The following SDE2 variants were observed in gnomAD, a reference collection of about 807,000 sequenced individuals.
SDE2 encodes splicing regulator SDE2.
In SDE2, 31 loss-of-function variants were observed where a neutral mutation model predicts 46.9. The ratio of observed to expected loss-of-function variants is 0.66; its 90% confidence interval spans 0.50 to 0.89. The LOEUF (loss-of-function observed/expected upper bound fraction) is 0.89. SDE2 is among the 40% of genes least tolerant of loss of function. SDE2 has a pLI of 0.00. For missense variants in SDE2, 542 were observed against 564.4 expected, an observed-to-expected ratio of 0.96 and a Z score of 0.40; for synonymous variants, 205 against 204.3, an observed-to-expected ratio of 1.00 and a Z score of -0.03.
chr1:225,991,071 C>T (rs1656386439), intron 5 of SDE2, among the ~76,000 whole-genome samples, 172 bp downstream of exon 5: 1 of 152,190 alleles, frequency 6.6e-6, no homozygotes, highest in African/African-American at 2.4e-5. Flanking sequence ...ACAGCAGAAA[C>T]CATTACCAGT....
intron 2 of SDE2, among the ~76,000 whole-genome samples, 177 bp from the exon 3 acceptor site, chr1:225,993,179 G>A (rs1005013074): frequency 3.3e-5 from 5 of 149,602 alleles, no homozygotes; most frequent in Non-Finnish European, 5.9e-5. Context: ...AAAGTAAAAA[G>A]ACTGATTTAA....
chr1:225,999,068 C>T lies in SDE2; in HGVS notation c.120+125G>A, dbSNP rs928478265. 4.0e-6 allele frequency: 3 copies of T among 740,778 alleles called. No individual in the cohort carries two copies. In the African/African-American group the frequency reaches 5.3e-5, roughly 13 times the overall value. The allele number at this position is 740,778 out of a possible 1,614,324, so 45.9% of individuals were successfully genotyped here. A position where few individuals can be genotyped will look rare whatever the true frequency, so the allele number is the denominator to read the frequency against. Reference sequence around the variant, plus strand: ...CGAAGCACCTTAACACTGAGGAACTCTCAGCCTCAACGAGTGAAAACCCCA... The same window carrying T: ...CGAAGCACCTTAACACTGAGGAACTTTCAGCCTCAACGAGTGAAAACCCCA... On this transcript the variant is annotated intron_variant, in intron 1 of 6. Coordinates refer to ENST00000272091, the MANE Select transcript of SDE2 (RefSeq NM_152608.4).
chr1:225,985,447 A>G lies in SDE2; in HGVS notation c.1211T>C (p.Leu404Pro). Residue 404 changes from leucine to proline, a missense_variant, in exon 7 of 7, where the codon CTC (leucine) becomes CCC (proline). By Grantham distance (98) the Leu-to-Pro change is moderately conservative. Around this residue, in one of 3 missense-constraint regions of SDE2, gnomAD observed 401 missense variants for 437.8 expected, o/e 0.92. Transcript: ENST00000272091. Reference protein sequence around the residue: ...AELELLGLEKLKCELMALGLK... With the variant: ...AELELLGLEKPKCELMALGLK... Reference sequence around the variant, plus strand: ...TCCAAGGGCCATCAGTTCACATTTGAGCTTCTCCAAACCCAGCAACTCCAG... The same window carrying G: ...TCCAAGGGCCATCAGTTCACATTTGGGCTTCTCCAAACCCAGCAACTCCAG... 1 of 1,614,174 alleles carries G rather than the reference A, an allele frequency of 6.2e-7. No homozygotes were observed. The highest frequency in any genetic ancestry group is 8.5e-7 in the Non-Finnish European group (1 of 1,179,974).
Position 225,985,270 on chromosome 1 carries a change from T to C in SDE2, c.*32A>G, listed in dbSNP as rs752648095. 2.6e-6 allele frequency: 4 copies of C among 1,528,298 alleles called. No individual in the cohort carries two copies. Among genetic ancestry groups the C allele is most frequent in the Middle Eastern group, 3.4e-4 (2 of 5,896 alleles). 94.7% of individuals were successfully genotyped at this position (1,528,298 alleles called of 1,614,324 possible). On this transcript the variant is annotated 3_prime_UTR_variant, in exon 7 of 7. Transcript: ENST00000272091. ...TATGCAGGTTGTAAATGGTAGACAC[T>C]ATAAACAAATAGGAATCAGCTCTGA...
chr1:225,984,134 C>T lies in SDE2; in HGVS notation c.*1168G>A, dbSNP rs536512749. On this transcript the variant is annotated 3_prime_UTR_variant, in exon 7 of 7. Transcript: ENST00000272091. ...TGGTGGCTGGAGCCTGTAATCCCAG[C>T]TACTGAGGAGGCTGAGGCAGGAGAA... is the stretch of plus-strand genomic sequence containing the variant. The T allele has an allele frequency of 6.6e-6, 1 of 152,284 alleles. No homozygotes were observed. The highest frequency in any genetic ancestry group is 2.1e-4 in the South Asian group (1 of 4,812). The allele number at this position is 152,284 out of a possible 1,614,324, so 9.4% of individuals were successfully genotyped here. A position where few individuals can be genotyped will look rare whatever the true frequency, so the allele number is the denominator to read the frequency against.
At chr1:225,985,558 G>T (rs753506495) in intron 6 of SDE2, 35 bp from the exon 7 acceptor site, 3 of 1,341,124 alleles carry the variant, frequency 2.2e-6, no homozygotes, top group African/African-American at 1.4e-5. Flanking sequence ...TTTAAAACAG[G>T]CTCCTTCCTC....
Position 225,992,634 on chromosome 1 carries a change from T to C in SDE2, c.351-67A>G, listed in dbSNP as rs557542655. ...TACATATACACTTTTATATATAAAA[T>C]GTCTCTGACGAATTAATGCACTTGT... On this transcript the variant is annotated intron_variant, in intron 3 of 6. Coordinates refer to ENST00000272091, the MANE Select transcript of SDE2 (RefSeq NM_152608.4). 15 of 1,058,136 alleles carry C rather than the reference T, an allele frequency of 1.4e-5. No individual in the cohort carries two copies. The South Asian group carries it at 1.7e-4, about 12-fold the overall frequency. The allele number at this position is 1,058,136 out of a possible 1,614,324, so 65.5% of individuals were successfully genotyped here. A position where few individuals can be genotyped will look rare whatever the true frequency, so the allele number is the denominator to read the frequency against.
chr1:225,997,556 G>A (rs1468386235), intron 1 of SDE2, among the ~76,000 whole-genome samples: 1 of 151,830 alleles, frequency 6.6e-6, no homozygotes, highest in Non-Finnish European at 1.5e-5. Context: ...CAGCCTCCTG[G>A]GTAGCTGGGA....
chr1:225,989,795 G>A (rs1469234340), intron 5 of SDE2, among the ~76,000 whole-genome samples: 2 of 151,542 alleles, frequency 1.3e-5, no homozygotes, highest in Admixed American at 1.3e-4. Context: ...CTATGCTTGG[G>A]CTGGACGCGG....
At chr1:225,989,307 AAATAAT>A (rs1371056098) in intron 5 of SDE2, among the ~76,000 whole-genome samples, 2 of 134,408 alleles carry the variant, frequency 1.5e-5, no homozygotes, top group African/African-American at 5.8e-5. Flanking sequence ...AAAAAAAAAA[AAATAAT>A]AATAATAATA....
intron 4 of SDE2, 38 bp downstream of exon 4, chr1:225,992,360 G>A (rs1449743534): frequency 1.3e-6 from 2 of 1,553,170 alleles, no homozygotes; most frequent in Admixed American, 1.7e-5. Flanking sequence ...TGGCTTCAGG[G>A]GTGCCAGCTG....
rs149831430 is a variant in SDE2 at position 225,988,985 on chromosome 1, C to T, written c.642-597G>A. On this transcript the variant is annotated intron_variant, in intron 5 of 6. Transcript: ENST00000272091. ...TTCCCCCGCATTACATTACCTTCGA[C>T]GGTTGGAAATTAGATAAAATAATAA... 2.8e-3 allele frequency among the ~76,000 whole-genome samples: 428 copies of T among 152,136 alleles called. 1 individual carries two copies. The highest frequency in any genetic ancestry group is 9.7e-3 in the African/African-American group (402 of 41,512).
chr1:225,983,369 C>T lies in SDE2; in HGVS notation c.*1933G>A, dbSNP rs1239366915. On this transcript the variant is annotated 3_prime_UTR_variant, in exon 7 of 7. Transcript: ENST00000272091. ...AAGTTATTAGAGCTTCATACAAAAACTGGTAGAATTTAAGAAATAGACAAT... is the reference window on the plus strand; with the variant it reads ...AAGTTATTAGAGCTTCATACAAAAATTGGTAGAATTTAAGAAATAGACAAT... 1.3e-5 allele frequency: 2 copies of T among 152,164 alleles called. No individual in the cohort carries two copies. The highest frequency in any genetic ancestry group is 4.8e-5 in the African/African-American group (2 of 41,430). The allele number at this position is 152,164 out of a possible 1,614,324, so 9.4% of individuals were successfully genotyped here. A position where few individuals can be genotyped will look rare whatever the true frequency, so the allele number is the denominator to read the frequency against.
intron 3 of SDE2, 21 bp downstream of exon 3, chr1:225,992,869 CA>C (rs769779598): frequency 2.6e-5 from 37 of 1,412,934 alleles, no homozygotes; most frequent in Admixed American, 1.5e-4. Context: ...CTCAAAAACA[CA>C]AAAAAAGGTG....
Position 225,999,270 on chromosome 1 carries a change from A to G in SDE2, c.43T>C (p.Phe15Leu), listed in dbSNP as rs970145308. 6.2e-7 allele frequency: 1 copy of G among 1,612,632 alleles called. No homozygotes were observed. The highest frequency in any genetic ancestry group is 1.3e-5 in the African/African-American group (1 of 74,974). Residue 15 changes from phenylalanine (F) to leucine (L), a missense_variant, in exon 1 of 7, where the codon TTC becomes CTC. Physicochemically the swap from Phe to Leu is conservative, Grantham distance 22. This residue lies in a region of SDE2 where 135 missense variants were observed against 106.5 expected (regional missense o/e 1.27). Coordinates refer to ENST00000272091, the MANE Select transcript of SDE2 (RefSeq NM_152608.4). ...AALVWIRGPG[F>L]GCKAVRCASG... The stretch of plus-strand genomic sequence containing the variant: ...GCACACCGCACCGCCTTGCACCCGA[A>G]GCCAGGGCCGCGAATCCACACCAGC...
At chr1:225,998,147 A>G (rs1244672624) in intron 1 of SDE2, among the ~76,000 whole-genome samples, 1 of 152,194 alleles carries the variant, frequency 6.6e-6, no homozygotes, top group African/African-American at 2.4e-5. Flanking sequence ...GAGGGGGAGA[A>G]AAGAACACTG....
intron 5 of SDE2, among the ~76,000 whole-genome samples, chr1:225,990,191 T>C (rs571269431): frequency 1.3e-5 from 2 of 152,086 alleles, no homozygotes; most frequent in East Asian, 1.9e-4. Flanking sequence ...CTGTGGTACA[T>C]TCACACCATG....
At chr1:225,998,468 T>A (rs187377577) in intron 1 of SDE2, among the ~76,000 whole-genome samples, 13 of 152,354 alleles carry the variant, frequency 8.5e-5, no homozygotes, top group Non-Finnish European at 1.6e-4. Flanking sequence ...ACATTAAAAT[T>A]AGATTCAGGG....
At position 225,984,331 on chromosome 1, in the gene SDE2, TAAAAG is replaced by T. The variant is rs1468526561; in HGVS notation, c.*966_*970del. On this transcript the variant is annotated 3_prime_UTR_variant, in exon 7 of 7. Transcript: ENST00000272091. Reference sequence around the variant, plus strand: ...GTAAAGTCGCAACTAAAGTAATGCTTAAAAGAAAATGTATAGCTTTAAATATGTAT... The same window carrying T: ...GTAAAGTCGCAACTAAAGTAATGCTTAAAATGTATAGCTTTAAATATGTAT... 1 of 152,090 alleles carries T rather than the reference TAAAAG, an allele frequency of 6.6e-6. No individual in the cohort carries two copies. The highest frequency in any genetic ancestry group is 6.6e-5 in the Admixed American group (1 of 15,262). 9.4% of individuals were successfully genotyped at this position (152,090 alleles called of 1,614,324 possible). A position where few individuals can be genotyped will look rare whatever the true frequency, so the allele number is the denominator to read the frequency against.
Sources: gnomAD v4.1 joint callset for allele counts (sites outside exome capture counted in the v4.1 genomes callset) on GRCh38, gnomAD v4.1.1 for gene constraint, gnomAD v4.1.1 regional missense constraint, MANE v1.5 for transcripts, NCBI Gene and HGNC (gene_info 2026-07-23, HGNC 2026-07-21) for gene names.